Variants in GOLGA1 observed in about 807,000 individuals in gnomAD.
GOLGA1 encodes golgin A1.
In GOLGA1, 63 loss-of-function variants were observed where a neutral mutation model predicts 119.7. That is an observed-to-expected ratio of 0.53 (90% CI 0.43 to 0.65). The LOEUF is 0.65. Ranked by LOEUF, GOLGA1 falls within the 30% of genes least tolerant of loss-of-function variation. The pLI is 0.00. For missense variants in GOLGA1, 798 were observed against 912.8 expected (o/e 0.87, Z 1.62); for synonymous variants, 318 against 333.4 (o/e 0.95, Z 0.50).
upstream of GOLGA1, among the ~76,000 whole-genome samples, chr9:124,941,651 T>C (rs1831028541): frequency 6.6e-6 from 1 of 152,230 alleles, no homozygotes; most frequent in Admixed American, 6.5e-5. Flanking sequence ...GCGTTTTATA[T>C]CGCAACCGAG....
chr9:124,891,954 C>CCCTT (rs1425030843), intron 15 of GOLGA1, among the ~76,000 whole-genome samples: 1 of 138,308 alleles, frequency 7.2e-6, no homozygotes, highest in Non-Finnish European at 1.6e-5. Flanking sequence ...CTCCCTCCCT[C>CCCTT]CCTTCTTCAC....
Position 124,888,288 on chromosome 9 carries a change from G to C in GOLGA1, c.1870C>G (p.Gln624Glu). Residue 624 changes from glutamine (Q) to glutamate (E), a missense_variant, in exon 19 of 23, where the codon CAG becomes GAG. Transcript: ENST00000373555. This position sits in a 1 kb window ranked among gnomAD's most constrained non-coding sequence, Gnocchi z 4.4. ...TCCAGAAGTTGCTGCTCCAAGTCCT[G>C]TTTCTCCTTCTGTAGCTGTGTGAGA... ...MDLTQLQKEK[Q>E]DLEQQLLEKN... The C allele has an allele frequency of 6.2e-7, 1 of 1,614,082 alleles. No homozygotes were observed. The highest frequency in any genetic ancestry group is 8.5e-7 in the Non-Finnish European group (1 of 1,179,938).
At chr9:124,921,445 C>T (rs1830567660) in intron 9 of GOLGA1, among the ~76,000 whole-genome samples, 1 of 152,158 alleles carries the variant, frequency 6.6e-6, no homozygotes, top group Admixed American at 6.5e-5. Context: ...AGAAAGAAAT[C>T]CTGACCTGCC....
upstream of GOLGA1, chr9:124,945,621 A>G (rs1235528574): frequency 6.6e-6 from 1 of 152,222 alleles, no homozygotes; most frequent in Non-Finnish European, 1.5e-5. Flanking sequence ...AAAATTAAGA[A>G]TGGTGCTTCA....
intron 7 of GOLGA1, among the ~76,000 whole-genome samples, chr9:124,926,130 G>C: frequency 6.6e-6 from 1 of 152,186 alleles, no homozygotes; most frequent in East Asian, 1.9e-4. Flanking sequence ...GTTTAATAAA[G>C]GGGCTTATCA....
At chr9:124,923,530 G>T (rs528547446) in intron 7 of GOLGA1, among the ~76,000 whole-genome samples, 3 of 151,884 alleles carry the variant, frequency 2.0e-5, no homozygotes, top group Non-Finnish European at 2.9e-5. Flanking sequence ...ACAGAAATAT[G>T]GCATTATTTA....
At chr9:124,930,235 T>C (rs1830749041) in intron 4 of GOLGA1, among the ~76,000 whole-genome samples, 1 of 152,182 alleles carries the variant, frequency 6.6e-6, no homozygotes, top group Non-Finnish European at 1.5e-5. Flanking sequence ...GGAAGGTATA[T>C]ATATTATTTT....
chr9:124,939,924 C>T (rs1056076518), intron 2 of GOLGA1, among the ~76,000 whole-genome samples, 182 bp downstream of exon 2: 1 of 152,114 alleles, frequency 6.6e-6, no homozygotes, highest in Admixed American at 6.6e-5. Context: ...AAAACCTTTT[C>T]CTCCTAATGG....
At chr9:124,886,047 C>T (rs1297685263) in intron 19 of GOLGA1, among the ~76,000 whole-genome samples, 1 of 152,176 alleles carries the variant, frequency 6.6e-6, no homozygotes, top group African/African-American at 2.4e-5. Context: ...AGGACAACTC[C>T]AAGGCTTTTG....
intron 15 of GOLGA1, 129 bp downstream of exon 15, chr9:124,898,420 T>C: frequency 1.6e-6 from 1 of 625,714 alleles, no homozygotes; most frequent in Non-Finnish European, 2.8e-6. Flanking sequence ...GGCCGATGCC[T>C]AACAGAACTA....
intron 10 of GOLGA1, among the ~76,000 whole-genome samples, chr9:124,917,213 T>C (rs1237952164): frequency 1.3e-5 from 2 of 152,182 alleles, no homozygotes; most frequent in African/African-American, 4.8e-5. Flanking sequence ...TGGGATGGAA[T>C]AGTGAAGGGC....
intron 7 of GOLGA1, among the ~76,000 whole-genome samples, chr9:124,926,332 A>G (rs1407510325): frequency 2.0e-5 from 3 of 152,186 alleles, no homozygotes; most frequent in African/African-American, 7.2e-5. Flanking sequence ...GCCCACATGG[A>G]GAAAGGTGGG....
intron 15 of GOLGA1, 106 bp from the exon 16 acceptor site, chr9:124,890,584 C>G (rs1425561757): frequency 2.4e-6 from 2 of 827,508 alleles, no homozygotes; most frequent in Non-Finnish European, 2.1e-6. Flanking sequence ...AGAGCCAGAC[C>G]AACATGCTCC....
intron 15 of GOLGA1, among the ~76,000 whole-genome samples, chr9:124,891,363 G>A (rs555367602): frequency 2.6e-5 from 4 of 152,238 alleles, no homozygotes; most frequent in East Asian, 1.9e-4. Flanking sequence ...TTTGAAGAGC[G>A]TGGATGGAGA....
intron 4 of GOLGA1, 81 bp downstream of exon 4, chr9:124,931,234 AT>A: frequency 4.0e-6 from 3 of 748,730 alleles, no homozygotes; most frequent in Non-Finnish European, 7.4e-6. Context: ...CTATAAAGTC[AT>A]CCTATATGGC....
intron 8 of GOLGA1, among the ~76,000 whole-genome samples, 156 bp downstream of exon 8, chr9:124,922,939 A>G (rs1830599333): frequency 6.6e-6 from 1 of 152,270 alleles, no homozygotes; most frequent in Non-Finnish European, 1.5e-5. Flanking sequence ...TTCTATTTTA[A>G]TAAATTTAAA....
At chr9:124,892,744 C>T (rs1369722297) in intron 15 of GOLGA1, among the ~76,000 whole-genome samples, 3 of 151,980 alleles carry the variant, frequency 2.0e-5, no homozygotes, top group South Asian at 4.1e-4. Context: ...ACCAGCCTGA[C>T]CAACATGGAG....
At chr9:124,910,253 C>T (rs1434417119) in intron 11 of GOLGA1, among the ~76,000 whole-genome samples, 2 of 150,756 alleles carry the variant, frequency 1.3e-5, no homozygotes, top group Non-Finnish European at 3.0e-5. Flanking sequence ...TTAATAGAGG[C>T]GGGGTTTTGC....
At chr9:124,891,789 C>A (rs1829859077) in intron 15 of GOLGA1, among the ~76,000 whole-genome samples, 1 of 151,904 alleles carries the variant, frequency 6.6e-6, no homozygotes, top group South Asian at 2.1e-4. Context: ...GGACTACAGG[C>A]ATGTGCCACC....
Sources: gnomAD v4.1 joint callset for allele counts (sites outside exome capture counted in the v4.1 genomes callset) on GRCh38, gnomAD v4.1.1 for gene constraint, Gnocchi (gnomAD v3.1) non-coding constraint, MANE v1.5 for transcripts, NCBI Gene and HGNC (gene_info 2026-07-23, HGNC 2026-07-21) for gene names.